Variants in RAB11FIP5 observed in about 807,000 individuals in gnomAD.
RAB11FIP5 encodes the protein RAB11 family interacting protein 5.
A neutral mutation model predicts 85.1 loss-of-function variants in RAB11FIP5; 48 were observed. The ratio of observed to expected loss-of-function variants is 0.56; its 90% CI spans 0.45 to 0.72. The LOEUF is 0.72. RAB11FIP5 is among the 30% of genes least tolerant of loss of function. The probability of loss-of-function intolerance (pLI) is 0.00; values close to 1 mark genes in which losing one functional copy is unlikely to be tolerated. For missense variants in RAB11FIP5, 1,491 were observed against 1,687.0 expected (o/e 0.88, Z 2.04); for synonymous variants, 729 against 727.3 (o/e 1.00, Z -0.04).
intron 1 of RAB11FIP5, among the ~76,000 whole-genome samples, chr2:73,092,950 C>T (rs1288342167): frequency 6.6e-6 from 1 of 152,176 alleles, no homozygotes; most frequent in Non-Finnish European, 1.5e-5. Context: ...CAGACCTTCT[C>T]CCAGAAGTAT....
At chr2:73,102,047 G>T (rs947779038) in intron 1 of RAB11FIP5, among the ~76,000 whole-genome samples, 2 of 152,182 alleles carry the variant, frequency 1.3e-5, no homozygotes, top group Admixed American at 6.5e-5. Context: ...AAGGGGAGGG[G>T]TTTGATTTCA....
chr2:73,089,680 A>G lies in RAB11FIP5; in HGVS notation c.432-365T>C. ...TGAAACTCTGAGGCCCAGAGGGGTG[A>G]GGCTGGGCCTGGGAGAGCCCTCCCA... On this transcript the variant is annotated intron_variant, in intron 1 of 5. Coordinates refer to ENST00000486777, the MANE Select transcript of RAB11FIP5 (RefSeq NM_001371272.1). The surrounding 1 kb of genome is among the most constrained non-coding windows in gnomAD (Gnocchi z 4.6). 2.8e-6 allele frequency: 1 copy of G among 363,454 alleles called. No homozygotes were observed. The highest frequency in any genetic ancestry group is 2.2e-5 in the South Asian group (1 of 45,318). 22.5% of individuals were successfully genotyped at this position (363,454 alleles called of 1,614,324 possible).
Position 73,091,795 on chromosome 2 carries a change from G to A in RAB11FIP5, c.432-2480C>T, listed in dbSNP as rs190651228. Reference sequence around the variant, plus strand: ...TGGTGGGCTATGGCCCGTCCCCTCCGTGGAGACCTACTCCGCAGCCTGAGC... The same window carrying A: ...TGGTGGGCTATGGCCCGTCCCCTCCATGGAGACCTACTCCGCAGCCTGAGC... On this transcript the variant is annotated intron_variant, in intron 1 of 5. Transcript: ENST00000486777. 2.1e-3 allele frequency among the ~76,000 whole-genome samples: 327 copies of A among 152,234 alleles called. 1 individual carries two copies. The highest frequency in any genetic ancestry group is 3.7e-3 in the Admixed American group (56 of 15,302).
rs532279156 is a variant in RAB11FIP5, at chr2:73,081,320, G to C, written c.1912C>G (p.Leu638Val). 1.1e-5 allele frequency: 13 copies of C among 1,232,954 alleles called. No individual in the cohort carries two copies. In the East Asian group the frequency reaches 2.2e-4, roughly 21 times the overall value. The allele number at this position is 1,232,954 out of a possible 1,614,324, so 76.4% of individuals were successfully genotyped here. ...GGCAGGGCTTTCCCAGGGGAGGCCAGGGGGGTGGGGCTGGCCCTCGAGGCA... is the reference window on the plus strand; with the variant it reads ...GGCAGGGCTTTCCCAGGGGAGGCCACGGGGGTGGGGCTGGCCCTCGAGGCA... Reference protein sequence around the residue: ...PSASRASPTPLASPGKALPEW... With the variant: ...PSASRASPTPVASPGKALPEW... Residue 638 changes from leucine to valine, a missense_variant, in exon 4 of 6, where the codon CTG (leucine) becomes GTG (valine). Physicochemically the swap from Leu to Val is conservative, Grantham distance 32. Coordinates refer to ENST00000486777, the MANE Select transcript of RAB11FIP5 (RefSeq NM_001371272.1). This position sits in a 1 kb window ranked among gnomAD's most constrained non-coding sequence, Gnocchi z 4.2.
In RAB11FIP5 at chr2:73,092,684, G is replaced by C. The variant is rs1188273639; in HGVS notation, c.432-3369C>G. Among the ~76,000 whole-genome samples the C allele has an allele frequency of 2.0e-5, 3 of 152,110 alleles. No individual in the cohort carries two copies. The East Asian group carries it at 5.8e-4, about 29-fold the overall frequency. ...CCAGCCCTCCCCCACAGGGAATTTG[G>C]GTTTCTCCCTGGACTTGTTTTTCAA... On this transcript the variant is annotated intron_variant, in intron 1 of 5. Transcript: ENST00000486777.
At chr2:73,087,124 C>A (rs1030173561) in intron 3 of RAB11FIP5, among the ~76,000 whole-genome samples, 5 of 152,200 alleles carry the variant, frequency 3.3e-5, no homozygotes, top group African/African-American at 1.2e-4. Flanking sequence ...GAAGGGCAGG[C>A]TTGTTGAGAG....
At chr2:73,107,517 C>A (rs1186627952) in intron 1 of RAB11FIP5, among the ~76,000 whole-genome samples, 1 of 152,090 alleles carries the variant, frequency 6.6e-6, no homozygotes, top group Non-Finnish European at 1.5e-5. Context: ...GACCACAGGC[C>A]CCTTGAAACT....
At chr2:73,094,244 G>GT (rs1333605230) in intron 1 of RAB11FIP5, among the ~76,000 whole-genome samples, 1 of 152,004 alleles carries the variant, frequency 6.6e-6, no homozygotes, top group Non-Finnish European at 1.5e-5. Flanking sequence ...CCTGATCAAG[G>GT]TTTTTTCTCC....
intron 3 of RAB11FIP5, among the ~76,000 whole-genome samples, 155 bp downstream of exon 3, chr2:73,087,895 G>C (rs777624846): frequency 3.9e-5 from 6 of 152,086 alleles, no homozygotes; most frequent in African/African-American, 7.2e-5. Flanking sequence ...AACGAACCTT[G>C]GCTTAGGGAG....
rs1684676516 is a variant in RAB11FIP5 at position 73,112,335 on chromosome 2, C to T, written c.431+12G>A. The T allele has an allele frequency of 1.3e-6, 2 of 1,567,250 alleles. No individual in the cohort carries two copies. The highest frequency in any genetic ancestry group is 1.4e-5 in the African/African-American group (1 of 72,760). ...CTTTAGCCGTTTCTGTGCCCCCGCG[C>T]CCCCTACTCACTGCGTGTGCTGGGC... On this transcript the variant is annotated intron_variant, in intron 1 of 5. Coordinates refer to ENST00000486777, the MANE Select transcript of RAB11FIP5 (RefSeq NM_001371272.1).
At chr2:73,105,215 G>T (rs1177142886) in intron 1 of RAB11FIP5, among the ~76,000 whole-genome samples, 5 of 152,108 alleles carry the variant, frequency 3.3e-5, no homozygotes, top group African/African-American at 1.2e-4. Context: ...AAGTGAGGCT[G>T]ACCTTCTCAG....
rs58907775 is a variant in RAB11FIP5, at chr2:73,089,882, T to TAC, written c.432-569_432-568dup. Reference sequence around the variant, plus strand: ...GCTAGTGCATACACTCATGTATGTATACACACACACACACACACACACACA... The same window carrying TAC: ...GCTAGTGCATACACTCATGTATGTATACACACACACACACACACACACACACA... On this transcript the variant is annotated intron_variant, in intron 1 of 5. Transcript: ENST00000486777. This position sits in a 1 kb window ranked among gnomAD's most constrained non-coding sequence, Gnocchi z 4.6. Among the ~76,000 whole-genome samples the TAC allele has an allele frequency of 0.04, 5,941 of 148,168 alleles. 119 individuals are homozygous for TAC. The highest frequency in any genetic ancestry group is 0.051 in the Non-Finnish European group (3,392 of 66,966).
At chr2:73,085,185 C>T (rs191981572) in intron 3 of RAB11FIP5, among the ~76,000 whole-genome samples, 2 of 152,262 alleles carry the variant, frequency 1.3e-5, no homozygotes, top group Admixed American at 6.5e-5. Flanking sequence ...AAGCTCCTTC[C>T]GCTGCCACAG....
chr2:73,106,825 G>A (rs1366078454), intron 1 of RAB11FIP5, among the ~76,000 whole-genome samples: 4 of 152,130 alleles, frequency 2.6e-5, no homozygotes, highest in Non-Finnish European at 5.9e-5. Flanking sequence ...CTCCCATGCT[G>A]GAGTCCCATG....
In RAB11FIP5 at chr2:73,099,423, C is replaced by G. The variant is rs78744549; in HGVS notation, c.432-10108G>C. 2.4e-3 allele frequency among the ~76,000 whole-genome samples: 364 copies of G among 152,232 alleles called. 11 individuals are homozygous for G. The East Asian group carries it at 0.047, about 19-fold the overall frequency. On this transcript the variant is annotated intron_variant, in intron 1 of 5. Coordinates refer to ENST00000486777, the MANE Select transcript of RAB11FIP5 (RefSeq NM_001371272.1). Reference sequence around the variant, plus strand: ...CATGGCACCAAAAGGGCTGAGAAAACCTGCTTTAGAGTGGGGAGGGAGCAA... The same window carrying G: ...CATGGCACCAAAAGGGCTGAGAAAAGCTGCTTTAGAGTGGGGAGGGAGCAA...
In RAB11FIP5 at chr2:73,075,962, CA is replaced by C; in HGVS notation, c.3771+30del. ...CCTGAGACTCCACCACACATTCTGT[CA>C]GATGGCCCCCACACCCTGCTGGGCC... On this transcript the variant is annotated intron_variant, in intron 5 of 5. Coordinates refer to ENST00000486777, the MANE Select transcript of RAB11FIP5 (RefSeq NM_001371272.1). The surrounding 1 kb of genome is among the most constrained non-coding windows in gnomAD (Gnocchi z 4.6). 6.3e-7 allele frequency: 1 copy of C among 1,592,108 alleles called. No individual in the cohort carries two copies. Among genetic ancestry groups the C allele is most frequent in the East Asian group, 2.2e-5 (1 of 44,488 alleles).
In RAB11FIP5 at chr2:73,080,834, T is replaced by C; in HGVS notation, c.2398A>G (p.Arg800Gly). ...SSPEVISVWE[R>G]LPGPESAAEG... Reference sequence around the variant, plus strand: ...GCAGCGCTCTCTGGGCCCGGCAGCCTCTCCCACACACTGATCACTTCTGGG... The same window carrying C: ...GCAGCGCTCTCTGGGCCCGGCAGCCCCTCCCACACACTGATCACTTCTGGG... The change falls in exon 4 of 6, where the codon AGG (arginine) becomes GGG (glycine). Residue 800 changes from arginine (R) to glycine (G), a missense_variant. Physicochemically the swap from Arg to Gly is moderately radical, Grantham distance 125. Around this residue, in one of 3 missense-constraint regions of RAB11FIP5, gnomAD observed 1,211 missense variants for 1,338.0 expected, o/e 0.91. Transcript: ENST00000486777. 1 of 1,232,382 alleles carries C rather than the reference T, an allele frequency of 8.1e-7. No individual in the cohort carries two copies. The highest frequency in any genetic ancestry group is 1.6e-5 in the African/African-American group (1 of 64,516). 76.3% of individuals were successfully genotyped at this position (1,232,382 alleles called of 1,614,324 possible).
rs72344675 is a variant in RAB11FIP5, at chr2:73,081,095, TTCCTCC to T, written c.2131_2136del (p.Gly711_Gly712del). ...TCCAGCCACACGCTGCTCCCACCTC[TTCCTCC>T]TCCTCCTCCTCCTCCTCCTCCTCCT... On this transcript the variant is annotated inframe_deletion, in exon 4 of 6. Transcript: ENST00000486777. The surrounding 1 kb of genome is among the most constrained non-coding windows in gnomAD (Gnocchi z 4.2). 0.24 allele frequency: 294,678 copies of T among 1,229,726 alleles called. 38,519 individuals carry two copies. The highest frequency in any genetic ancestry group is 0.57 in the East Asian group (18,021 of 31,458). 76.2% of individuals were successfully genotyped at this position (1,229,726 alleles called of 1,614,324 possible).
At position 73,075,557 on chromosome 2, in the gene RAB11FIP5, G is replaced by A; in HGVS notation, c.3939C>T (p.Pro1313=). 1.2e-6 allele frequency: 2 copies of A among 1,614,120 alleles called. No individual in the cohort carries two copies. Among genetic ancestry groups the A allele is most frequent in the Non-Finnish European group, 1.7e-6 (2 of 1,179,980 alleles). ...GGCCCGGGGGGATCTGCAGCAGCGTGGGTGAGGTCTCCATGATCCGCACCA... is the reference window on the plus strand; with the variant it reads ...GGCCCGGGGGGATCTGCAGCAGCGTAGGTGAGGTCTCCATGATCCGCACCA... The part of the protein sequence containing the change: ...RLLVRIMETS[P]TLLQIPPGPP... The change falls in exon 6 of 6, where the codon CCC becomes CCT. Residue 1313 remains proline, a synonymous_variant. Transcript: ENST00000486777. This position sits in a 1 kb window ranked among gnomAD's most constrained non-coding sequence, Gnocchi z 4.6.
Sources: gnomAD v4.1 joint callset for allele counts (sites outside exome capture counted in the v4.1 genomes callset) on GRCh38, gnomAD v4.1.1 for gene constraint, gnomAD v4.1.1 regional missense constraint, Gnocchi (gnomAD v3.1) non-coding constraint, MANE v1.5 for transcripts, NCBI Gene and HGNC (gene_info 2026-07-23, HGNC 2026-07-21) for gene names.